Variants in NAPB observed in about 807,000 individuals in gnomAD.
The protein encoded by NAPB is beta-soluble NSF attachment protein.
Under a neutral mutation model 44.7 loss-of-function variants are expected in NAPB, and 26 were observed. That is an observed-to-expected ratio of 0.58 (90% CI 0.43 to 0.81). The LOEUF is 0.81. NAPB is among the 30% of genes least tolerant of loss of function. The probability of loss-of-function intolerance (pLI) is 0.00; values close to 1 mark genes in which losing one functional copy is unlikely to be tolerated. For synonymous variants in NAPB, 120 were observed against 116.8 expected (o/e 1.03, Z -0.18); for missense variants, 315 against 356.4 (o/e 0.88, Z 0.94).
chr20:23,391,260 G>A (rs147241587), intron 5 of NAPB, among the ~76,000 whole-genome samples: 3,079 of 152,240 alleles, frequency 0.02, 86 homozygotes, highest in African/African-American at 0.071. Context: ...GCAGTGAGCT[G>A]AGATCGCGCC....
chr20:23,394,486 G>C lies in NAPB; in HGVS notation c.420+436C>G, dbSNP rs531838693. Among the ~76,000 whole-genome samples the C allele has an allele frequency of 4.6e-5, 7 of 152,312 alleles. No homozygotes were observed. The East Asian group carries it at 1.2e-3, about 25-fold the overall frequency. ...AAGTGGAGAGGTCAGCAGGCAGGTG[G>C]ATACAGTAATCTAGCATTTGGAGAG... On this transcript the variant is annotated intron_variant, in intron 5 of 10. Transcript: ENST00000377026.
At chr20:23,391,498 T>C (rs1001679481) in intron 5 of NAPB, among the ~76,000 whole-genome samples, 5 of 152,134 alleles carry the variant, frequency 3.3e-5, no homozygotes, top group Admixed American at 2.0e-4. Context: ...TCTCATAAGA[T>C]TGAAAAAACC....
chr20:23,383,689 G>A (rs1468853865), intron 7 of NAPB, among the ~76,000 whole-genome samples: 2 of 152,152 alleles, frequency 1.3e-5, no homozygotes, highest in Non-Finnish European at 2.9e-5. Flanking sequence ...CTAAAAAAAT[G>A]ACAAAAGGAG....
At chr20:23,421,218 G>C (rs1318732379) in intron 1 of NAPB, 87 bp downstream of exon 1, 1 of 1,182,216 alleles carries the variant, frequency 8.5e-7, no homozygotes, top group Non-Finnish European at 1.2e-6. Context: ...CAGAGGTTGC[G>C]TGGGGGACTC....
chr20:23,397,269 GA>G, intron 2 of NAPB, 81 bp from the exon 3 acceptor site: 1 of 1,447,556 alleles, frequency 6.9e-7, no homozygotes, highest in Non-Finnish European at 9.2e-7. Flanking sequence ...GACCTCCCTA[GA>G]AAAATTATAT....
At chr20:23,411,024 C>G (rs1485938025) in intron 1 of NAPB, among the ~76,000 whole-genome samples, 1 of 152,018 alleles carries the variant, frequency 6.6e-6, no homozygotes, top group Non-Finnish European at 1.5e-5. Flanking sequence ...ATAAGGAAAA[C>G]TATGAAAACA....
intron 3 of NAPB, among the ~76,000 whole-genome samples, chr20:23,396,467 A>G (rs1298149092): frequency 6.6e-6 from 1 of 152,248 alleles, no homozygotes; most frequent in Non-Finnish European, 1.5e-5. Context: ...TCCGCTGTGC[A>G]CGCGTGTGGA....
chr20:23,379,211 C>A, intron 10 of NAPB: 1 of 426,032 alleles, frequency 2.3e-6, no homozygotes, highest in South Asian at 5.8e-5. Flanking sequence ...GGAATATTTG[C>A]TCCTGAACTA....
At chr20:23,377,757 A>T (rs1392178980) in intron 10 of NAPB, among the ~76,000 whole-genome samples, 1 of 152,188 alleles carries the variant, frequency 6.6e-6, no homozygotes, top group Non-Finnish European at 1.5e-5. Flanking sequence ...TAACAGTCAT[A>T]ATTATTGTGG....
chr20:23,413,751 C>T (rs772524084), intron 1 of NAPB, among the ~76,000 whole-genome samples: 13 of 151,948 alleles, frequency 8.6e-5, no homozygotes, highest in East Asian at 1.9e-4. Flanking sequence ...TAGGAAAACA[C>T]AATTTACCAA....
intron 2 of NAPB, among the ~76,000 whole-genome samples, chr20:23,398,526 TTTTTTA>T (rs1283425337): frequency 6.6e-6 from 1 of 152,052 alleles, no homozygotes; most frequent in Non-Finnish European, 1.5e-5. Flanking sequence ...CACCTGGCTA[TTTTTTA>T]TTTTTAATTC....
At chr20:23,390,384 C>A in intron 5 of NAPB, 120 bp from the exon 6 acceptor site, 2 of 767,286 alleles carry the variant, frequency 2.6e-6, no homozygotes, top group South Asian at 3.3e-5. Context: ...TTTCACAACT[C>A]GGCCTACTTT....
intron 10 of NAPB, among the ~76,000 whole-genome samples, chr20:23,378,242 T>C (rs913940596): frequency 6.6e-6 from 1 of 151,550 alleles, no homozygotes; most frequent in Non-Finnish European, 1.5e-5. Flanking sequence ...GAGGATCACC[T>C]GAACCCAGGA....
intron 1 of NAPB, among the ~76,000 whole-genome samples, chr20:23,406,389 A>G (rs1985257667): frequency 6.6e-6 from 1 of 152,150 alleles, no homozygotes; most frequent in African/African-American, 2.4e-5. Flanking sequence ...AGCCCTGTGA[A>G]TAGGCTAAAA....
rs529896223 is a variant in NAPB, at chr20:23,379,339, G to A, written c.786+106C>T. 8 of 818,456 alleles carry A rather than the reference G, an allele frequency of 9.8e-6. No homozygotes were observed. In the South Asian group the frequency reaches 1.3e-4, roughly 13 times the overall value. 50.7% of individuals were successfully genotyped at this position (818,456 alleles called of 1,614,324 possible). A position where few individuals can be genotyped will look rare whatever the true frequency, so the allele number is the denominator to read the frequency against. ...GGAAAATACAACTTAAGGTATGCTG[G>A]AGTCATGTTCAAATAAATGTTTAGA... On this transcript the variant is annotated intron_variant, in intron 10 of 10. Coordinates refer to ENST00000377026, the MANE Select transcript of NAPB (RefSeq NM_022080.3).
Position 23,402,855 on chromosome 20 carries a change from C to T in NAPB, c.178+138G>A, listed in dbSNP as rs1984947045. The T allele has an allele frequency of 4.6e-6, 3 of 650,216 alleles. No individual in the cohort carries two copies. In the Admixed American group the frequency reaches 8.6e-5, roughly 19 times the overall value. 40.3% of individuals were successfully genotyped at this position (650,216 alleles called of 1,614,324 possible). On this transcript the variant is annotated intron_variant, in intron 2 of 10. Transcript: ENST00000377026. The stretch of plus-strand genomic sequence containing the variant: ...CCCTTTAGTCTCCATATGTCAGTAG[C>T]AGCCACATCAGTTATTCAGCACTGA...
At chr20:23,419,284 G>T (rs1303454253) in intron 1 of NAPB, among the ~76,000 whole-genome samples, 1 of 152,178 alleles carries the variant, frequency 6.6e-6, no homozygotes. Flanking sequence ...ATTAACTTTT[G>T]TGTAACTGAG....
At chr20:23,377,554 C>T in intron 10 of NAPB, 68 bp from the exon 11 acceptor site, 1 of 973,078 alleles carries the variant, frequency 1.0e-6, no homozygotes, top group Non-Finnish European at 1.5e-6. Flanking sequence ...ATAATAGTAC[C>T]CCAAGCTGTT....
intron 1 of NAPB, among the ~76,000 whole-genome samples, chr20:23,420,849 T>G (rs1986362656): frequency 6.7e-6 from 1 of 149,264 alleles, no homozygotes; most frequent in Non-Finnish European, 1.5e-5. Flanking sequence ...GTGGGGCGCT[T>G]GGGGAGCTCT....
Sources: allele counts gnomAD v4.1 joint callset (sites outside exome capture counted in the v4.1 genomes callset), GRCh38; gene constraint gnomAD v4.1.1; transcripts MANE v1.5; gene names NCBI Gene and HGNC (gene_info 2026-07-23, HGNC 2026-07-21).